The following DIP2A variants were observed in gnomAD, a reference collection of about 807,000 sequenced individuals.
The protein encoded by DIP2A is DIP2 acetate--CoA ligase A, also known as disco-interacting protein 2 homolog A.
A neutral mutation model predicts 177.4 loss-of-function variants in DIP2A; 85 were observed. That is an observed-to-expected ratio of 0.48 (90% confidence interval 0.40 to 0.57). The LOEUF (loss-of-function observed/expected upper bound fraction) is 0.57, where lower values mean the gene tolerates loss of function less well. Ranked by LOEUF, DIP2A falls within the 20% of genes least tolerant of loss-of-function variation. The pLI is 0.00. For missense variants in DIP2A, 1,791 were observed against 2,100.2 expected (o/e 0.85, Z 2.88); for synonymous variants, 886 against 881.8 (o/e 1.00, Z -0.08).
rs751364352 is a variant in DIP2A at position 46,537,475 on chromosome 21, C to T, written c.1737C>T (p.Ser579=). 31 of 1,614,068 alleles carry T rather than the reference C, an allele frequency of 1.9e-5. No individual in the cohort carries two copies. The highest frequency in any genetic ancestry group is 2.7e-5 in the African/African-American group (2 of 74,910). The part of the protein sequence containing the change: ...TSVMNRMHVV[S]VPYALMKANP... ...TCATGAACAGGATGCACGTGGTCAGCGTCCCCTACGCGCTGATGAAGGCGA... is the reference window on the plus strand; with the variant it reads ...TCATGAACAGGATGCACGTGGTCAGTGTCCCCTACGCGCTGATGAAGGCGA... Residue 579 remains serine (S), a synonymous_variant, in exon 15 of 38, where the codon AGC becomes AGT. Coordinates refer to ENST00000417564, the MANE Select transcript of DIP2A (RefSeq NM_015151.4). The surrounding 1 kb of genome is among the most constrained non-coding windows in gnomAD (Gnocchi z 4.1).
chr21:46,471,735 T>C (rs946368105), intron 1 of DIP2A, among the ~76,000 whole-genome samples: 15 of 152,208 alleles, frequency 9.9e-5, no homozygotes, highest in African/African-American at 3.1e-4. Flanking sequence ...ACACAGGAAA[T>C]GCATGGCCTC....
Position 46,538,555 on chromosome 21 carries a change from G to T in DIP2A, c.1874G>T (p.Ser625Ile). ...LLAQRGQRDV[S>I]LSSLRMLIVA... ...GCTCAGCGGGGCCAGAGGGACGTCA[G>T]CCTCAGCTCACTGCGCATGCTGATT... The change falls in exon 16 of 38, where the codon AGC (serine) becomes ATC (isoleucine). Residue 625 changes from serine (S) to isoleucine (I), a missense_variant. By Grantham distance (142) the Ser-to-Ile change is moderately radical. Coordinates refer to ENST00000417564, the MANE Select transcript of DIP2A (RefSeq NM_015151.4). 6.4e-7 allele frequency: 1 copy of T among 1,565,292 alleles called. No homozygotes were observed. The highest frequency in any genetic ancestry group is 1.2e-5 in the South Asian group (1 of 84,842).
At chr21:46,495,230 TTCTCTTCTCTTCTTTCTCTC>T (rs1430369509) in intron 3 of DIP2A, among the ~76,000 whole-genome samples, 2 of 64,884 alleles carry the variant, frequency 3.1e-5, no homozygotes, top group East Asian at 4.1e-4. Flanking sequence ...TTCTCTTCTC[TTCTCTTCTCTTCTTTCTCTC>T]TCTCTCTCTC....
Position 46,567,577 on chromosome 21 carries a change from C to T in DIP2A, c.4671C>T (p.Phe1557=). The T allele has an allele frequency of 6.2e-7, 1 of 1,611,826 alleles. No individual in the cohort carries two copies. Among genetic ancestry groups the T allele is most frequent in the Non-Finnish European group, 8.5e-7 (1 of 1,178,524 alleles). The part of the protein sequence containing the change: ...EKQRMHLRDG[F]LADQLDPIYV... Reference sequence around the variant, plus strand: ...AGCGCATGCACCTGCGGGACGGCTTCCTGGCTGACCAGCTGGACCCCATCT... The same window carrying T: ...AGCGCATGCACCTGCGGGACGGCTTTCTGGCTGACCAGCTGGACCCCATCT... Residue 1557 remains phenylalanine, a synonymous_variant, in exon 38 of 38, where the codon TTC becomes TTT. Coordinates refer to ENST00000417564, the MANE Select transcript of DIP2A (RefSeq NM_015151.4).
chr21:46,475,509 G>A (rs1176185793), intron 1 of DIP2A, among the ~76,000 whole-genome samples: 1 of 152,196 alleles, frequency 6.6e-6, no homozygotes, highest in Non-Finnish European at 1.5e-5. Context: ...GTACTCTCTG[G>A]TCCTTGGAAA....
chr21:46,506,724 T>TTTCTTTCTTTCTTCCTTTCTTTC lies in DIP2A; in HGVS notation c.784+2237_784+2238insCTTTCTTTCTTCCTTTCTTTCTT, dbSNP rs149327676. 7.7e-4 allele frequency among the ~76,000 whole-genome samples: 61 copies of TTTCTTTCTTTCTTCCTTTCTTTC among 78,884 alleles called. 4 individuals carry two copies. The highest frequency in any genetic ancestry group is 1.1e-3 in the Non-Finnish European group (41 of 38,862). The allele number at this position is 78,884 out of a possible 152,430, so 51.8% of individuals were successfully genotyped here. ...TATTTTTTTTTTTAATTGTGCTTGT[T>TTTCTTTCTTTCTTCCTTTCTTTC]TTTCTTTCTTTCTTTCTTTCTTTCT... On this transcript the variant is annotated intron_variant, in intron 6 of 37. Transcript: ENST00000417564.
At chr21:46,561,209 GT>G in intron 33 of DIP2A, 1 of 285,360 alleles carries the variant, frequency 3.5e-6, no homozygotes, top group Non-Finnish European at 6.3e-6. Context: ...GTGACATTTG[GT>G]TTTTAGAGGG....
At position 46,475,975 on chromosome 21, in the gene DIP2A, C is replaced by T. The variant is rs2055805679; in HGVS notation, c.92-8782C>T. 2.6e-5 allele frequency among the ~76,000 whole-genome samples: 4 copies of T among 152,218 alleles called. No homozygotes were observed. The South Asian group carries it at 6.2e-4, about 24-fold the overall frequency. On this transcript the variant is annotated intron_variant, in intron 1 of 37. Coordinates refer to ENST00000417564, the MANE Select transcript of DIP2A (RefSeq NM_015151.4). Reference sequence around the variant, plus strand: ...GATTGGCTGGGCGCAGTGGCTCACGCCTGTAATCCCAGCACTTCGGGAGGC... The same window carrying T: ...GATTGGCTGGGCGCAGTGGCTCACGTCTGTAATCCCAGCACTTCGGGAGGC...
chr21:46,554,555 GC>G lies in DIP2A; in HGVS notation c.3155-18del, dbSNP rs1406298664. The G allele has an allele frequency of 6.2e-7, 1 of 1,608,766 alleles. No homozygotes were observed. The highest frequency in any genetic ancestry group is 2.2e-5 in the East Asian group (1 of 44,654). ...GCCTCTTGCGGCCGGCCTCCTCACA[GC>G]CAGTCCTTGTCTCCACAGGGGTGGA... On this transcript the variant is annotated intron_variant, in intron 26 of 37. Coordinates refer to ENST00000417564, the MANE Select transcript of DIP2A (RefSeq NM_015151.4).
intron 1 of DIP2A, among the ~76,000 whole-genome samples, chr21:46,469,461 C>T (rs1359212519): frequency 6.6e-6 from 1 of 152,258 alleles, no homozygotes; most frequent in African/African-American, 2.4e-5. Flanking sequence ...TGCACTGTTG[C>T]TCCTGTCCTC....
Position 46,464,844 on chromosome 21 carries a change from T to TTTTTTTTTCC in DIP2A, c.91+5622_91+5623insTTTTTTTTCC, listed in dbSNP as rs58546395. The stretch of plus-strand genomic sequence containing the variant: ...TTTTTTTTTTTTTTTTTTTTTTTTT[T>TTTTTTTTTCC]CAAGAAAACACACAACAAATGTCAG... On this transcript the variant is annotated intron_variant, in intron 1 of 37. Coordinates refer to ENST00000417564, the MANE Select transcript of DIP2A (RefSeq NM_015151.4). Among the ~76,000 whole-genome samples the TTTTTTTTTCC allele has an allele frequency of 4.5e-3, 498 of 111,154 alleles. 48 individuals are homozygous for TTTTTTTTTCC. The highest frequency in any genetic ancestry group is 0.018 in the African/African-American group (429 of 23,934). The allele number at this position is 111,154 out of a possible 152,430, so 72.9% of individuals were successfully genotyped here.
chr21:46,487,828 A>G (rs983423887), intron 2 of DIP2A, among the ~76,000 whole-genome samples: 1 of 152,234 alleles, frequency 6.6e-6, no homozygotes, highest in African/African-American at 2.4e-5. Flanking sequence ...ATATGAAGAA[A>G]CATACCAGTT....
intron 17 of DIP2A, among the ~76,000 whole-genome samples, chr21:46,540,986 G>A (rs1305914300): frequency 4.1e-5 from 6 of 145,174 alleles, no homozygotes; most frequent in Non-Finnish European, 8.9e-5. Context: ...TTGCACTCCA[G>A]CCTGGGCAAC....
intron 1 of DIP2A, 22 bp from the exon 2 acceptor site, chr21:46,484,735 C>A (rs370847080): frequency 7.2e-6 from 11 of 1,531,940 alleles, no homozygotes; most frequent in Non-Finnish European, 7.0e-6. Context: ...AAATGCAATT[C>A]TTTTTTCCAT....
rs2148177110 is a variant in DIP2A at position 46,458,927 on chromosome 21, C to G, written c.-205C>G. 6.8e-6 allele frequency: 2 copies of G among 293,250 alleles called. No homozygotes were observed. Among genetic ancestry groups the G allele is most frequent in the Non-Finnish European group, 1.2e-5 (2 of 161,996 alleles). 18.2% of individuals were successfully genotyped at this position (293,250 alleles called of 1,614,324 possible). A position where few individuals can be genotyped will look rare whatever the true frequency, so the allele number is the denominator to read the frequency against. On this transcript the variant is annotated 5_prime_UTR_variant, in exon 1 of 38. Coordinates refer to ENST00000417564, the MANE Select transcript of DIP2A (RefSeq NM_015151.4). ...GCCGGGCGCTCAGGAGCGCGCGGGG[C>G]AGCGGCGGCGCGGCGGAGCCATCCG...
At chr21:46,473,735 C>T (rs577052934) in intron 1 of DIP2A, among the ~76,000 whole-genome samples, 3 of 152,154 alleles carry the variant, frequency 2.0e-5, no homozygotes, top group East Asian at 1.9e-4. Context: ...AGGCTGGTCT[C>T]GAACTCCCGA....
intron 5 of DIP2A, among the ~76,000 whole-genome samples, chr21:46,502,437 A>ATTTT (rs36011338): frequency 8.9e-5 from 4 of 44,862 alleles, no homozygotes; most frequent in Admixed American, 3.7e-4. Context: ...GCTAGTGTTG[A>ATTTT]TTTTTTTTTT....
rs997856974 is a variant in DIP2A at position 46,565,705 on chromosome 21, C to T, written c.4165-8C>T. 8.7e-6 allele frequency: 14 copies of T among 1,610,698 alleles called. No homozygotes were observed. The highest frequency in any genetic ancestry group is 1.2e-5 in the Non-Finnish European group (14 of 1,178,296). ...ACACATCACATTCTTGTCCTCTGGGCCCACCAGATCTGGGTAAGCAGCCCC... is the reference window on the plus strand; with the variant it reads ...ACACATCACATTCTTGTCCTCTGGGTCCACCAGATCTGGGTAAGCAGCCCC... On this transcript the variant is annotated splice_region_variant and splice_polypyrimidine_tract_variant and intron_variant, in intron 35 of 37. Transcript: ENST00000417564.
intron 8 of DIP2A, among the ~76,000 whole-genome samples, chr21:46,513,640 T>C (rs2148643278): frequency 6.6e-6 from 1 of 152,312 alleles, no homozygotes; most frequent in Non-Finnish European, 1.5e-5. Flanking sequence ...GCATTGAATC[T>C]CTAGTTCAAT....
Sources: gnomAD v4.1 joint callset for allele counts (sites outside exome capture counted in the v4.1 genomes callset) on GRCh38, gnomAD v4.1.1 for gene constraint, Gnocchi (gnomAD v3.1) non-coding constraint, MANE v1.5 for transcripts, NCBI Gene and HGNC (gene_info 2026-07-23, HGNC 2026-07-21) for gene names.